SNX7: variants seen among roughly 807,000 people sequenced by gnomAD.
SNX7 encodes the protein sorting nexin-7.
Under a neutral mutation model 48.4 loss-of-function variants are expected in SNX7, and 35 were observed. The ratio of observed to expected loss-of-function variants is 0.72; its 90% CI spans 0.55 to 0.96. SNX7 has a LOEUF of 0.96. SNX7 is among the 40% of genes least tolerant of loss of function. The pLI, the probability that SNX7 is intolerant of heterozygous loss-of-function variation, is 0.00. For synonymous variants in SNX7, 190 were observed against 190.2 expected, an observed-to-expected ratio of 1.00 and a Z score of 0.01; for missense variants, 553 against 548.9, an observed-to-expected ratio of 1.01 and a Z score of -0.07.
At chr1:98,673,880 T>C (rs1411278134) in intron 1 of SNX7, among the ~76,000 whole-genome samples, 1 of 152,222 alleles carries the variant, frequency 6.6e-6, no homozygotes, top group Non-Finnish European at 1.5e-5. Context: ...CTCTGGCACT[T>C]AGAAAACTCT....
intron 7 of SNX7, among the ~76,000 whole-genome samples, chr1:98,728,367 G>A (rs1461474581): frequency 2.6e-5 from 4 of 152,114 alleles, no homozygotes; most frequent in Non-Finnish European, 5.9e-5. Flanking sequence ...GGCCTGCCTT[G>A]CAAGAGCTAC....
chr1:98,722,787 CAATGA>C (rs1557821480), intron 7 of SNX7, among the ~76,000 whole-genome samples: 3 of 138,430 alleles, frequency 2.2e-5, no homozygotes, highest in Admixed American at 1.4e-4. Flanking sequence ...AAAAGGAAAA[CAATGA>C]TGATATTTTT....
intron 7 of SNX7, among the ~76,000 whole-genome samples, chr1:98,731,635 T>G (rs1570585017): frequency 6.6e-6 from 1 of 152,162 alleles, no homozygotes; most frequent in African/African-American, 2.4e-5. Context: ...TGAGATGTCA[T>G]ACTCTGCTGC....
At chr1:98,674,596 C>G (rs529703706) in intron 1 of SNX7, among the ~76,000 whole-genome samples, 1 of 152,292 alleles carries the variant, frequency 6.6e-6, no homozygotes, top group South Asian at 2.1e-4. Flanking sequence ...CTCCACGGTA[C>G]TGGGGATTTG....
intron 7 of SNX7, among the ~76,000 whole-genome samples, chr1:98,719,671 A>G (rs1406592993): frequency 2.0e-5 from 3 of 151,522 alleles, no homozygotes; most frequent in Non-Finnish European, 2.9e-5. Context: ...TCTAGTTTTT[A>G]TGAAGTCAGG....
chr1:98,691,914 T>TATATACACACACAC (rs143738586), intron 4 of SNX7, among the ~76,000 whole-genome samples: 1 of 133,496 alleles, frequency 7.5e-6, no homozygotes, highest in East Asian at 2.1e-4. Context: ...TCCATATATA[T>TATATACACACACAC]ACACACACAC....
chr1:98,694,176 T>C (rs569882068), intron 4 of SNX7, among the ~76,000 whole-genome samples: 26 of 151,532 alleles, frequency 1.7e-4, no homozygotes, highest in East Asian at 1.2e-3. Flanking sequence ...CGAGACCATC[T>C]TGGCTAACAC....
At chr1:98,662,768 A>G (rs1172665277) in intron 1 of SNX7, 1 of 1,289,366 alleles carries the variant, frequency 7.8e-7, no homozygotes, top group South Asian at 1.2e-5. Context: ...ACAACGCTGT[A>G]TTCATTACTA....
At chr1:98,742,814 T>C (rs1251672191) in intron 8 of SNX7, among the ~76,000 whole-genome samples, 2 of 151,982 alleles carry the variant, frequency 1.3e-5, no homozygotes, top group Non-Finnish European at 2.9e-5. Context: ...CATGGGTCTT[T>C]GGAATGTGTC....
intron 8 of SNX7, among the ~76,000 whole-genome samples, chr1:98,744,736 A>C (rs2101044321): frequency 6.6e-6 from 1 of 152,180 alleles, no homozygotes; most frequent in East Asian, 1.9e-4. Flanking sequence ...AATACATTTG[A>C]AGAGGTAATA....
chr1:98,729,970 AGACCAGTATCCCTGATGAACATCAGT>A (rs1353704211), intron 7 of SNX7, among the ~76,000 whole-genome samples: 1 of 152,228 alleles, frequency 6.6e-6, no homozygotes, highest in Non-Finnish European at 1.5e-5. Flanking sequence ...AGAAAACTTC[AGACCAGTATCCCTGATGAACATCAGT>A]GTGAAAATCC....
intron 7 of SNX7, among the ~76,000 whole-genome samples, chr1:98,710,932 GT>G (rs1351089388): frequency 6.6e-6 from 1 of 152,064 alleles, no homozygotes; most frequent in African/African-American, 2.4e-5. Flanking sequence ...TAGGACTTGT[GT>G]TAGTAAAAAT....
chr1:98,686,072 T>C (rs1650777408), intron 2 of SNX7, among the ~76,000 whole-genome samples: 1 of 152,158 alleles, frequency 6.6e-6, no homozygotes, highest in South Asian at 2.1e-4. Context: ...CTCTCAAAAC[T>C]GCATATAGTT....
In SNX7 at chr1:98,760,062, T is replaced by C. The variant is rs777017299; in HGVS notation, c.1287T>C (p.Ala429=). The C allele has an allele frequency of 1.9e-6, 3 of 1,598,906 alleles. No homozygotes were observed. In the African/African-American group the frequency reaches 4.0e-5, roughly 21 times the overall value. ...ENIHYYEQCL[A]TWESFLTSQT... ...GTGTTTCCATTATTCAGTGCCTTGC[T>C]ACGTGGGAGTCATTCCTTACATCAC... The change falls in exon 9 of 9, where the codon GCT becomes GCC. Residue 429 remains alanine, a synonymous_variant. Transcript: ENST00000306121.
chr1:98,720,373 A>T (rs373132618), intron 7 of SNX7, among the ~76,000 whole-genome samples: 2 of 152,148 alleles, frequency 1.3e-5, no homozygotes, highest in African/African-American at 4.8e-5. Flanking sequence ...AATTTGCCTC[A>T]GGCTAATATT....
chr1:98,706,598 G>T (rs1006078557), intron 7 of SNX7, among the ~76,000 whole-genome samples: 6 of 152,260 alleles, frequency 3.9e-5, no homozygotes, highest in African/African-American at 1.4e-4. Flanking sequence ...CTTGGAGAAA[G>T]CACAAGATGA....
intron 1 of SNX7, among the ~76,000 whole-genome samples, chr1:98,664,487 G>A (rs914351095): frequency 6.6e-6 from 1 of 152,114 alleles, no homozygotes; most frequent in Admixed American, 6.5e-5. Context: ...GAGAGATCAC[G>A]CCACTGCATT....
At chr1:98,732,925 T>C (rs1653589095) in intron 7 of SNX7, among the ~76,000 whole-genome samples, 1 of 152,128 alleles carries the variant, frequency 6.6e-6, no homozygotes, top group Admixed American at 6.6e-5. Context: ...TCCTTAGACA[T>C]ATTCCTGTAG....
At chr1:98,702,168 A>G (rs1421490310) in intron 7 of SNX7, among the ~76,000 whole-genome samples, 1 of 152,142 alleles carries the variant, frequency 6.6e-6, no homozygotes, top group African/African-American at 2.4e-5. Flanking sequence ...AAAGGAAATA[A>G]TGTGTTAGAA....
Sources: allele counts gnomAD v4.1 joint callset (sites outside exome capture counted in the v4.1 genomes callset), GRCh38; gene constraint gnomAD v4.1.1; transcripts MANE v1.5; gene names NCBI Gene and HGNC (gene_info 2026-07-23, HGNC 2026-07-21).